Variants in SKAP1 observed in about 807,000 individuals in gnomAD.
SKAP1 encodes src kinase associated phosphoprotein 1, also known as src kinase-associated phosphoprotein 1.
A neutral mutation model predicts 58.5 loss-of-function variants in SKAP1; 44 were observed. The ratio of observed to expected loss-of-function variants is 0.75; its 90% CI spans 0.59 to 0.97. The LOEUF is 0.97. Among genes scored for constraint, SKAP1 ranks in the 50% least tolerant of loss-of-function variants. The pLI is 0.00. For missense variants in SKAP1, 390 were observed against 435.2 expected, an observed-to-expected ratio of 0.90 and a Z score of 0.92; for synonymous variants, 127 against 149.7, an observed-to-expected ratio of 0.85 and a Z score of 1.11.
chr17:48,345,943 G>A lies in SKAP1; in HGVS notation c.242C>T (p.Thr81Ile). 1.2e-6 allele frequency: 2 copies of A among 1,613,776 alleles called. No homozygotes were observed. The highest frequency in any genetic ancestry group is 4.5e-5 in the East Asian group (2 of 44,860). The change falls in exon 4 of 13, where the codon ACA becomes ATA. Residue 81 changes from threonine (T) to isoleucine (I), a missense_variant. Thr to Ile is a moderately conservative substitution (Grantham distance 89, BLOSUM62 -1). Transcript: ENST00000336915. Reference sequence around the variant, plus strand: ...ATCTGACAAAAAGGGTGCATCGGATGTGAGGGACAGGCCAAGAGTCCCGCT... The same window carrying A: ...ATCTGACAAAAAGGGTGCATCGGATATGAGGGACAGGCCAAGAGTCCCGCT... ...NHSGTLGLSL[T>I]SDAPFLSDYQ...
At chr17:48,250,290 T>C in intron 4 of SKAP1, among the ~76,000 whole-genome samples, 1 of 128,828 alleles carries the variant, frequency 7.8e-6, no homozygotes, top group Non-Finnish European at 1.7e-5. Flanking sequence ...TTTTTTTTTT[T>C]TTTTTTTTTG....
At chr17:48,215,832 T>C (rs936356753) in intron 4 of SKAP1, among the ~76,000 whole-genome samples, 1 of 152,108 alleles carries the variant, frequency 6.6e-6, no homozygotes, top group East Asian at 1.9e-4. Context: ...CAGCTCTCCC[T>C]GGTTCTAATT....
intron 1 of SKAP1, among the ~76,000 whole-genome samples, chr17:48,428,160 A>G (rs969530604): frequency 1.3e-5 from 2 of 151,936 alleles, no homozygotes; most frequent in African/African-American, 4.8e-5. Flanking sequence ...TTTTTTCTCT[A>G]CTTCAGATTC....
chr17:48,193,740 G>T (rs1430180766), intron 4 of SKAP1: 58 of 984,536 alleles, frequency 5.9e-5, no homozygotes, highest in Non-Finnish European at 6.9e-5. Context: ...ATGGGGTGAT[G>T]AGGCAGGAAT....
chr17:48,417,304 T>C (rs751439115), intron 1 of SKAP1, among the ~76,000 whole-genome samples: 1 of 152,192 alleles, frequency 6.6e-6, no homozygotes, highest in African/African-American at 2.4e-5. Context: ...AAAATACCTA[T>C]ATACTCACAA....
chr17:48,162,670 T>A, intron 10 of SKAP1, 101 bp from the exon 11 acceptor site: 1 of 779,044 alleles, frequency 1.3e-6, no homozygotes, highest in East Asian at 2.7e-5. Flanking sequence ...ATATTGCCCC[T>A]AGGAAACCTC....
At chr17:48,250,220 A>G (rs1314575446) in intron 4 of SKAP1, among the ~76,000 whole-genome samples, 2 of 148,218 alleles carry the variant, frequency 1.3e-5, no homozygotes, top group East Asian at 4.1e-4. Flanking sequence ...TATAAAACAT[A>G]TTATGAAATT....
chr17:48,204,860 T>TAAG (rs1212921917), intron 4 of SKAP1, among the ~76,000 whole-genome samples: 1 of 152,160 alleles, frequency 6.6e-6, no homozygotes, highest in Non-Finnish European at 1.5e-5. Context: ...AAGAGTTCCA[T>TAAG]AAGACCAACT....
intron 8 of SKAP1, 104 bp from the exon 9 acceptor site, chr17:48,180,352 C>A: frequency 1.2e-6 from 1 of 828,394 alleles, no homozygotes; most frequent in South Asian, 2.1e-5. Flanking sequence ...TAAAATATGT[C>A]AAATGAAAAT....
rs563843391 is a variant in SKAP1, at chr17:48,144,496, C to T, written c.979-7159G>A. On this transcript the variant is annotated intron_variant, in intron 11 of 12. Coordinates refer to ENST00000336915, the MANE Select transcript of SKAP1 (RefSeq NM_003726.4). ...CAAACGTTTATTTCACTGCACAGTG[C>T]CAAAAAGAATTAAAACAACATTAAA... Among the ~76,000 whole-genome samples the T allele has an allele frequency of 2.0e-5, 3 of 152,276 alleles. No individual in the cohort carries two copies. In the South Asian group the frequency reaches 6.2e-4, roughly 32 times the overall value.
chr17:48,428,818 C>T (rs1439408729), intron 1 of SKAP1, among the ~76,000 whole-genome samples: 1 of 152,152 alleles, frequency 6.6e-6, no homozygotes, highest in Non-Finnish European at 1.5e-5. Flanking sequence ...TTCTTAGACA[C>T]CCAGATAATT....
chr17:48,353,255 C>T (rs1166755921), intron 3 of SKAP1, among the ~76,000 whole-genome samples: 1 of 152,074 alleles, frequency 6.6e-6, no homozygotes, highest in African/African-American at 2.4e-5. Context: ...TTTTCCAGCA[C>T]CTTCTGTTTG....
intron 10 of SKAP1, among the ~76,000 whole-genome samples, chr17:48,168,408 G>A (rs1345910602): frequency 1.3e-5 from 2 of 152,202 alleles, no homozygotes; most frequent in East Asian, 1.9e-4. Flanking sequence ...TGTAATCCCA[G>A]CACTTTGGGA....
At chr17:48,169,039 G>C (rs919397676) in intron 10 of SKAP1, among the ~76,000 whole-genome samples, 6 of 151,896 alleles carry the variant, frequency 4.0e-5, no homozygotes, top group Non-Finnish European at 8.8e-5. Context: ...GTAAACCATA[G>C]AAACATATTC....
At chr17:48,209,156 C>G (rs980527605) in intron 4 of SKAP1, among the ~76,000 whole-genome samples, 6 of 152,150 alleles carry the variant, frequency 3.9e-5, no homozygotes. Context: ...TCATGGCAAT[C>G]CTTAGCATTA....
chr17:48,282,271 A>G (rs1346071918), intron 4 of SKAP1, among the ~76,000 whole-genome samples: 1 of 152,118 alleles, frequency 6.6e-6, no homozygotes, highest in Non-Finnish European at 1.5e-5. Flanking sequence ...ACAATTATCA[A>G]CTCATGGCCA....
chr17:48,423,033 T>G (rs1248776270), intron 1 of SKAP1, among the ~76,000 whole-genome samples: 1 of 152,080 alleles, frequency 6.6e-6, no homozygotes, highest in Non-Finnish European at 1.5e-5. Context: ...AAGAAAACTT[T>G]CCCAACTCAA....
chr17:48,391,589 T>C (rs893341439), intron 2 of SKAP1, among the ~76,000 whole-genome samples: 2 of 152,208 alleles, frequency 1.3e-5, no homozygotes, highest in African/African-American at 2.4e-5. Context: ...TTGACTGATA[T>C]AACTGATGAG....
chr17:48,441,874 G>T, the SKAP1 span, among the ~76,000 whole-genome samples: 1 of 152,122 alleles, frequency 6.6e-6, no homozygotes, highest in Non-Finnish European at 1.5e-5. Flanking sequence ...GAGGAAATAA[G>T]GTTCCTTCTA....
Sources: allele counts gnomAD v4.1 joint callset (sites outside exome capture counted in the v4.1 genomes callset), GRCh38; gene constraint gnomAD v4.1.1; transcripts MANE v1.5; gene names NCBI Gene and HGNC (gene_info 2026-07-23, HGNC 2026-07-21).